GRID1: variants seen among roughly 807,000 people sequenced by gnomAD.
The protein encoded by GRID1 is glutamate receptor ionotropic, delta-1.
Under a neutral mutation model 98.0 loss-of-function variants are expected in GRID1, and 28 were observed. The observed-to-expected ratio is 0.29, with a 90% CI of 0.21 to 0.39. The LOEUF (loss-of-function observed/expected upper bound fraction) is 0.39. Ranked by LOEUF, GRID1 falls within the 10% of genes least tolerant of loss-of-function variation. The pLI is 1.00. For synonymous variants in GRID1, 553 were observed against 538.5 expected (o/e 1.03, Z -0.37); for missense variants, 1,111 against 1,340.5 (o/e 0.83, Z 2.67).
chr10:86,015,852 A>G (rs187852847), intron 4 of GRID1, among the ~76,000 whole-genome samples: 2 of 152,310 alleles, frequency 1.3e-5, no homozygotes, highest in African/African-American at 4.8e-5. Flanking sequence ...TACAGATATT[A>G]TTACAGATGT....
chr10:85,776,026 A>T (rs1842327701), intron 8 of GRID1, among the ~76,000 whole-genome samples: 1 of 152,066 alleles, frequency 6.6e-6, no homozygotes, highest in Admixed American at 6.5e-5. Flanking sequence ...AAAAAAAAAC[A>T]TACTCAAAAA....
chr10:85,985,240 G>A (rs917507643), intron 4 of GRID1, among the ~76,000 whole-genome samples: 3 of 152,164 alleles, frequency 2.0e-5, no homozygotes, highest in South Asian at 2.1e-4. Context: ...ACTGAGACTC[G>A]GAGAGGGTTC....
chr10:85,888,389 C>G (rs1841147868), intron 5 of GRID1, among the ~76,000 whole-genome samples: 1 of 152,166 alleles, frequency 6.6e-6, no homozygotes, highest in Non-Finnish European at 1.5e-5. Context: ...TCTGGCAAAC[C>G]CTTCCCAGAT....
At position 85,634,289 on chromosome 10, in the gene GRID1, TCTCA is replaced by T. The variant is rs1363051267; in HGVS notation, c.2193+12909_2193+12912del. Among the ~76,000 whole-genome samples, 521 of 120,028 alleles carry T rather than the reference TCTCA, an allele frequency of 4.3e-3. 1 individual carries two copies. Among genetic ancestry groups the T allele is most frequent in the African/African-American group, 9.9e-3 (290 of 29,426 alleles). 78.7% of individuals were successfully genotyped at this position (120,028 alleles called of 152,430 possible). On this transcript the variant is annotated intron_variant, in intron 13 of 15. Transcript: ENST00000327946. Reference sequence around the variant, plus strand: ...CTCTCTCTCTCTCTCTCTCTCTCTCTCTCACACACACACACACACACACACAGAC... The same window carrying T: ...CTCTCTCTCTCTCTCTCTCTCTCTCTCACACACACACACACACACACAGAC...
At chr10:86,088,519 G>T (rs564709298) in intron 4 of GRID1, among the ~76,000 whole-genome samples, 69 of 152,306 alleles carry the variant, frequency 4.5e-4, no homozygotes, top group African/African-American at 1.4e-3. Context: ...AGAGAGCATG[G>T]GGATCCCAGC....
At chr10:86,255,750 A>C (rs1198336703) in intron 2 of GRID1, among the ~76,000 whole-genome samples, 1 of 152,188 alleles carries the variant, frequency 6.6e-6, no homozygotes, top group African/African-American at 2.4e-5. Flanking sequence ...TCAGAGCTAG[A>C]GAGATGGCTG....
chr10:85,885,197 T>C (rs1288223532), intron 5 of GRID1, among the ~76,000 whole-genome samples: 1 of 152,146 alleles, frequency 6.6e-6, no homozygotes, highest in East Asian at 1.9e-4. Flanking sequence ...CAAAGAAAAG[T>C]TAGAATTCTG....
intron 8 of GRID1, among the ~76,000 whole-genome samples, chr10:85,765,253 G>A (rs1240368745): frequency 6.6e-6 from 1 of 152,182 alleles, no homozygotes; most frequent in East Asian, 1.9e-4. Flanking sequence ...AAGTGATCAT[G>A]ATTACCCTTA....
chr10:86,049,967 C>A (rs927826400), intron 4 of GRID1, among the ~76,000 whole-genome samples: 3 of 152,192 alleles, frequency 2.0e-5, no homozygotes, highest in African/African-American at 7.2e-5. Flanking sequence ...TAAACACCCA[C>A]CAGAGAGCTC....
chr10:86,024,882 C>T (rs1843096886), intron 4 of GRID1, among the ~76,000 whole-genome samples: 1 of 152,142 alleles, frequency 6.6e-6, no homozygotes, highest in Non-Finnish European at 1.5e-5. Context: ...ACAGGGAAAA[C>T]ATCCACAGAG....
In GRID1 at chr10:86,026,824, G is replaced by A. The variant is rs116475841; in HGVS notation, c.727-110585C>T. Among the ~76,000 whole-genome samples, 1,358 of 152,322 alleles carry A rather than the reference G, an allele frequency of 8.9e-3. 34 individuals are homozygous for A. Among genetic ancestry groups the A allele is most frequent in the African/African-American group, 0.031 (1,273 of 41,568 alleles). On this transcript the variant is annotated intron_variant, in intron 4 of 15. Coordinates refer to ENST00000327946, the MANE Select transcript of GRID1 (RefSeq NM_017551.3). ...GCAGGTCCAGCCCTCATGTGGAGAC[G>A]TGTGGGGTGTGAATCCCAGTTCAGC...
chr10:85,826,202 G>A (rs1344992927), intron 8 of GRID1, among the ~76,000 whole-genome samples: 3 of 152,120 alleles, frequency 2.0e-5, no homozygotes, highest in Non-Finnish European at 4.4e-5. Flanking sequence ...GGGCATGGTG[G>A]CACATGCCTG....
At chr10:86,057,722 C>T (rs1049431059) in intron 4 of GRID1, among the ~76,000 whole-genome samples, 7 of 152,220 alleles carry the variant, frequency 4.6e-5, no homozygotes, top group East Asian at 3.9e-4. Context: ...CCTCCAGTTT[C>T]GGGCCATTTC....
chr10:85,864,075 G>A (rs541783272), intron 6 of GRID1, among the ~76,000 whole-genome samples: 52 of 152,318 alleles, frequency 3.4e-4, no homozygotes, highest in African/African-American at 1.2e-3. Context: ...ATCAAGCAAA[G>A]TGGACAGTTC....
At chr10:85,934,827 C>T (rs1358028702) in intron 4 of GRID1, among the ~76,000 whole-genome samples, 2 of 152,152 alleles carry the variant, frequency 1.3e-5, no homozygotes, top group Non-Finnish European at 2.9e-5. Context: ...TGAGTAGGGA[C>T]CTCCTGCCTC....
At chr10:86,216,321 T>C (rs187070490) in intron 2 of GRID1, among the ~76,000 whole-genome samples, 12 of 152,280 alleles carry the variant, frequency 7.9e-5, no homozygotes, top group African/African-American at 2.4e-4. Context: ...TATGGAACAA[T>C]TGAATGAGCT....
chr10:86,029,219 G>T (rs1843154124), intron 4 of GRID1, among the ~76,000 whole-genome samples: 1 of 152,208 alleles, frequency 6.6e-6, no homozygotes, highest in African/African-American at 2.4e-5. Context: ...TGTCATTGTA[G>T]CAAATGGTCT....
chr10:86,067,629 G>T (rs995887294), intron 4 of GRID1, among the ~76,000 whole-genome samples: 3 of 152,216 alleles, frequency 2.0e-5, no homozygotes. Flanking sequence ...CCACCACCGG[G>T]TGTGCCCATC....
intron 3 of GRID1, among the ~76,000 whole-genome samples, chr10:86,180,973 G>A (rs1034594276): frequency 6.6e-6 from 1 of 152,190 alleles, no homozygotes; most frequent in Non-Finnish European, 1.5e-5. Context: ...GGGCAGGCAA[G>A]TGAGGGTCCT....
Sources: gnomAD v4.1 joint callset for allele counts (sites outside exome capture counted in the v4.1 genomes callset) on GRCh38, gnomAD v4.1.1 for gene constraint, MANE v1.5 for transcripts, NCBI Gene and HGNC (gene_info 2026-07-23, HGNC 2026-07-21) for gene names.